Variants in TBC1D22A observed in about 807,000 individuals in gnomAD.
TBC1D22A encodes TBC1 domain family member 22A.
Under a neutral mutation model 60.2 loss-of-function variants are expected in TBC1D22A, and 38 were observed. That is an observed-to-expected ratio of 0.63 (90% CI 0.49 to 0.83). The LOEUF is 0.83. Among genes scored for constraint, TBC1D22A ranks in the 40% least tolerant of loss-of-function variants. The pLI is 0.00. For missense variants in TBC1D22A, 628 were observed against 701.0 expected (o/e 0.90, Z 1.18); for synonymous variants, 302 against 281.7 (o/e 1.07, Z -0.72).
intron 4 of TBC1D22A, among the ~76,000 whole-genome samples, chr22:46,833,672 C>A (rs964250766): frequency 1.3e-5 from 2 of 152,218 alleles, no homozygotes; most frequent in African/African-American, 4.8e-5. Flanking sequence ...AAGGTGACAA[C>A]TGAGCAGAGG....
At chr22:46,957,600 G>A (rs932516601) in intron 8 of TBC1D22A, among the ~76,000 whole-genome samples, 1 of 152,240 alleles carries the variant, frequency 6.6e-6, no homozygotes, top group Admixed American at 6.5e-5. Flanking sequence ...AGACTTGGGT[G>A]GGGGCACAGA....
intron 2 of TBC1D22A, chr22:46,792,862 C>T: frequency 5.6e-6 from 8 of 1,435,280 alleles, no homozygotes; most frequent in Non-Finnish European, 7.3e-6. Flanking sequence ...GGCAGCCTGG[C>T]TGCAGGCCAT....
chr22:47,006,069 C>G (rs552147855), intron 10 of TBC1D22A, among the ~76,000 whole-genome samples: 42 of 152,296 alleles, frequency 2.8e-4, no homozygotes, highest in African/African-American at 1.0e-3. Flanking sequence ...TTTAGACACA[C>G]CCACTTTAGA....
At chr22:47,111,467 A>G (rs754441146) in intron 11 of TBC1D22A, 41 bp from the exon 12 acceptor site, 4 of 1,570,686 alleles carry the variant, frequency 2.5e-6, no homozygotes, top group Non-Finnish European at 2.6e-6. Flanking sequence ...TTAATGGGTC[A>G]CGCGTTACAA....
chr22:46,976,380 C>T (rs2074296039), intron 9 of TBC1D22A, among the ~76,000 whole-genome samples: 1 of 152,158 alleles, frequency 6.6e-6, no homozygotes, highest in Admixed American at 6.5e-5. Flanking sequence ...ATGATCCTCC[C>T]AGGAGCAAGA....
At chr22:47,103,922 A>C (rs1005672562) in intron 11 of TBC1D22A, among the ~76,000 whole-genome samples, 2 of 152,208 alleles carry the variant, frequency 1.3e-5, no homozygotes, top group Non-Finnish European at 2.9e-5. Context: ...TATGACAAAG[A>C]AGAAATTCAA....
intron 4 of TBC1D22A, among the ~76,000 whole-genome samples, chr22:46,849,985 C>T (rs1369451021): frequency 1.3e-5 from 2 of 152,166 alleles, no homozygotes; most frequent in Non-Finnish European, 2.9e-5. Flanking sequence ...ATGGTTGCTA[C>T]CTGGGGAACA....
At chr22:46,902,890 G>A (rs1004379189) in intron 7 of TBC1D22A, among the ~76,000 whole-genome samples, 1 of 152,234 alleles carries the variant, frequency 6.6e-6, no homozygotes, top group African/African-American at 2.4e-5. Context: ...GAAACCCAGA[G>A]AGATCATATA....
Position 46,777,278 on chromosome 22 carries a change from C to T in TBC1D22A, c.62+14430C>T, listed in dbSNP as rs1490689397. Among the ~76,000 whole-genome samples the T allele has an allele frequency of 3.9e-5, 6 of 152,196 alleles. No individual in the cohort carries two copies. Among genetic ancestry groups the T allele is most frequent in the Middle Eastern group, 3.4e-3 (1 of 294 alleles). On this transcript the variant is annotated intron_variant, in intron 1 of 12. Transcript: ENST00000337137. This position sits in a 1 kb window ranked among gnomAD's most constrained non-coding sequence, Gnocchi z 4.5. ...ACATGGGCCAGTGAGAGCCAGGGGC[C>T]GCCAGAAGAGGGCTCGAGGGAGAGG...
At chr22:46,849,001 G>C (rs917126237) in intron 4 of TBC1D22A, among the ~76,000 whole-genome samples, 1 of 151,670 alleles carries the variant, frequency 6.6e-6, no homozygotes, top group African/African-American at 2.4e-5. Context: ...GAGCCATTTT[G>C]TGATACATGG....
chr22:46,933,986 G>C (rs1235475245), intron 8 of TBC1D22A, among the ~76,000 whole-genome samples: 3 of 152,228 alleles, frequency 2.0e-5, no homozygotes, highest in Middle Eastern at 3.4e-3. Context: ...CACTTTGTGG[G>C]GTGTGGGAGT....
At chr22:46,878,341 G>A (rs183504497) in intron 4 of TBC1D22A, among the ~76,000 whole-genome samples, 38 of 137,456 alleles carry the variant, frequency 2.8e-4, no homozygotes, top group Non-Finnish European at 3.6e-4. Context: ...GAAGGAGGTG[G>A]GAGGGAAGGA....
At chr22:46,844,359 G>A (rs1406365786) in intron 4 of TBC1D22A, among the ~76,000 whole-genome samples, 1 of 152,094 alleles carries the variant, frequency 6.6e-6, no homozygotes, top group Non-Finnish European at 1.5e-5. Context: ...TATAAGCTTA[G>A]TTGCATTTAG....
At chr22:47,165,707 CAA>C (rs1467354562) in intron 12 of TBC1D22A, among the ~76,000 whole-genome samples, 2 of 152,114 alleles carry the variant, frequency 1.3e-5, no homozygotes, top group East Asian at 3.9e-4. Context: ...ACGGAGGGGT[CAA>C]GAGAAATGCC....
chr22:46,990,379 A>AT lies in TBC1D22A; in HGVS notation c.1126-7253dup, dbSNP rs1340944460. 6.6e-6 allele frequency among the ~76,000 whole-genome samples: 1 copy of AT among 151,988 alleles called. No homozygotes were observed. On this transcript the variant is annotated intron_variant, in intron 9 of 12. Coordinates refer to ENST00000337137, the MANE Select transcript of TBC1D22A (RefSeq NM_014346.5). The surrounding 1 kb of genome is among the most constrained non-coding windows in gnomAD (Gnocchi z 4.6). ...AGAGCAGTTTTAGCTTTCCAGAAAAATTGAGCAGGAGGTTAGAGAGGCCCC... is the reference window on the plus strand; with the variant it reads ...AGAGCAGTTTTAGCTTTCCAGAAAAATTTGAGCAGGAGGTTAGAGAGGCCCC...
chr22:46,792,917 C>G, intron 2 of TBC1D22A: 3 of 1,366,018 alleles, frequency 2.2e-6, no homozygotes, highest in Non-Finnish European at 2.9e-6. Flanking sequence ...GCATTCTCCA[C>G]CAGCTGCTGG....
intron 8 of TBC1D22A, among the ~76,000 whole-genome samples, chr22:46,956,575 A>G (rs2073204394): frequency 6.6e-6 from 1 of 152,214 alleles, no homozygotes; most frequent in Non-Finnish European, 1.5e-5. Context: ...TTCAGGGGTC[A>G]ACCTGGTCAG....
chr22:46,944,136 C>A (rs2072357069), intron 8 of TBC1D22A, among the ~76,000 whole-genome samples: 1 of 152,176 alleles, frequency 6.6e-6, no homozygotes, highest in South Asian at 2.1e-4. Flanking sequence ...AGTGCCTGCT[C>A]CATTTACCAT....
intron 4 of TBC1D22A, among the ~76,000 whole-genome samples, chr22:46,820,043 C>G (rs2085761388): frequency 1.3e-5 from 2 of 152,168 alleles, no homozygotes; most frequent in Non-Finnish European, 2.9e-5. Context: ...TTATAGTATT[C>G]TCTGATGGTA....
Sources: gnomAD v4.1 joint callset for allele counts (sites outside exome capture counted in the v4.1 genomes callset) on GRCh38, gnomAD v4.1.1 for gene constraint, Gnocchi (gnomAD v3.1) non-coding constraint, MANE v1.5 for transcripts, NCBI Gene and HGNC (gene_info 2026-07-23, HGNC 2026-07-21) for gene names.